The following EHBP1 variants were observed in gnomAD, a reference collection of about 807,000 sequenced individuals.
EHBP1 encodes the protein EH domain binding protein 1.
Under a neutral mutation model 144.0 loss-of-function variants are expected in EHBP1, and 55 were observed. The observed-to-expected ratio is 0.38, with a 90% confidence interval of 0.31 to 0.48. The LOEUF (loss-of-function observed/expected upper bound fraction) is 0.48. Ranked by LOEUF, EHBP1 falls within the 20% of genes least tolerant of loss-of-function variation. EHBP1 has a pLI of 0.98. For missense variants in EHBP1, 1,200 were observed against 1,364.2 expected, an observed-to-expected ratio of 0.88 and a Z score of 1.90; for synonymous variants, 469 against 472.7, an observed-to-expected ratio of 0.99 and a Z score of 0.10.
intron 7 of EHBP1, among the ~76,000 whole-genome samples, chr2:62,842,216 A>C (rs916562681): frequency 1.3e-5 from 2 of 152,038 alleles, no homozygotes; most frequent in Non-Finnish European, 1.5e-5. Context: ...CCTCCCGAGT[A>C]GCTGGGATCA....
chr2:62,815,051 C>T (rs1016415683), intron 5 of EHBP1, among the ~76,000 whole-genome samples: 2 of 152,138 alleles, frequency 1.3e-5, no homozygotes, highest in African/African-American at 4.8e-5. Flanking sequence ...ATAGTAATAA[C>T]TGGAAGGGGA....
chr2:62,829,265 A>G (rs2046594942), intron 6 of EHBP1, among the ~76,000 whole-genome samples: 1 of 152,072 alleles, frequency 6.6e-6, no homozygotes, highest in African/African-American at 2.4e-5. Context: ...TTGCATAGGA[A>G]AGTTCTTTAG....
chr2:63,019,688 C>T (rs2060623213), intron 19 of EHBP1, among the ~76,000 whole-genome samples: 2 of 142,896 alleles, frequency 1.4e-5, no homozygotes, highest in South Asian at 4.3e-4. Context: ...GCCTGGGCAA[C>T]AGAGCGAGAC....
chr2:62,785,551 T>G (rs1424572624), intron 5 of EHBP1, among the ~76,000 whole-genome samples: 3 of 152,196 alleles, frequency 2.0e-5, no homozygotes, highest in Non-Finnish European at 4.4e-5. Context: ...TTAGTCAGTA[T>G]AGAGAACACA....
At chr2:62,709,494 C>T (rs2034926667) in intron 2 of EHBP1, among the ~76,000 whole-genome samples, 1 of 152,140 alleles carries the variant, frequency 6.6e-6, no homozygotes, top group Non-Finnish European at 1.5e-5. Flanking sequence ...TTCTTCCTCA[C>T]AGTTTGCAGC....
chr2:62,728,344 A>G (rs890301424), intron 2 of EHBP1, among the ~76,000 whole-genome samples: 3 of 152,218 alleles, frequency 2.0e-5, no homozygotes, highest in Admixed American at 2.0e-4. Context: ...TGGCCGCATC[A>G]TTTCACATTC....
chr2:62,896,290 T>C (rs2052924370), intron 10 of EHBP1, among the ~76,000 whole-genome samples: 1 of 152,146 alleles, frequency 6.6e-6, no homozygotes, highest in African/African-American at 2.4e-5. Context: ...AAAGGCTATG[T>C]AACTGGAAAG....
At chr2:63,020,323 CAAAAA>C (rs1001418542) in intron 19 of EHBP1, among the ~76,000 whole-genome samples, 3 of 45,260 alleles carry the variant, frequency 6.6e-5, no homozygotes, top group South Asian at 1.5e-3. Flanking sequence ...GACTCTGTCT[CAAAAA>C]AAAAAAAAAA....
intron 1 of EHBP1, among the ~76,000 whole-genome samples, chr2:62,677,272 G>A (rs948914663): frequency 1.2e-4 from 18 of 152,306 alleles, no homozygotes; most frequent in Non-Finnish European, 2.6e-4. Flanking sequence ...CCCAGGTGAA[G>A]TAAGAAAATG....
chr2:62,948,778 A>G lies in EHBP1; in HGVS notation c.1932A>G (p.Gln644=). 6.2e-7 allele frequency: 1 copy of G among 1,614,182 alleles called. No individual in the cohort carries two copies. The highest frequency in any genetic ancestry group is 2.2e-5 in the East Asian group (1 of 44,856). ...PGICSNTDST[Q]AQVLLGKKRL... Reference sequence around the variant, plus strand: ...TATGTTCCAATACAGATTCAACCCAAGCACAGGTTTTGTTAGGCAAAAAGA... The same window carrying G: ...TATGTTCCAATACAGATTCAACCCAGGCACAGGTTTTGTTAGGCAAAAAGA... Residue 644 remains glutamine (Q), a synonymous_variant, in exon 13 of 23, where the codon CAA becomes CAG. Coordinates refer to ENST00000431489, the MANE Select transcript of EHBP1 (RefSeq NM_001142616.3).
chr2:62,682,832 T>C (rs1475606729), intron 1 of EHBP1, among the ~76,000 whole-genome samples: 3 of 152,206 alleles, frequency 2.0e-5, no homozygotes, highest in African/African-American at 7.2e-5. Flanking sequence ...ATAAGATTAG[T>C]AACAGTAAGC....
At chr2:62,784,308 G>A (rs1393850014) in intron 5 of EHBP1, among the ~76,000 whole-genome samples, 1 of 151,892 alleles carries the variant, frequency 6.6e-6, no homozygotes, top group African/African-American at 2.4e-5. Flanking sequence ...TTTTATAAAG[G>A]AGACCATTGT....
chr2:62,683,658 C>CAAAAAAA (rs397936534), intron 1 of EHBP1, among the ~76,000 whole-genome samples: 11 of 50,124 alleles, frequency 2.2e-4, no homozygotes, highest in Admixed American at 7.4e-4. Flanking sequence ...GACTCCATCT[C>CAAAAAAA]AAAAAAAAAA....
At chr2:62,683,345 T>G (rs1258220830) in intron 1 of EHBP1, among the ~76,000 whole-genome samples, 1 of 152,168 alleles carries the variant, frequency 6.6e-6, no homozygotes, top group Non-Finnish European at 1.5e-5. Context: ...GCCCTTTCTT[T>G]CACTAATGGT....
At position 62,996,756 on chromosome 2, in the gene EHBP1, C is replaced by T. The variant is rs2059644330; in HGVS notation, c.3093C>T (p.Leu1031=). ...TGGTGGAGAAGCGCCTTCGCTATCT[C>T]ATGGACACAGGTACGGTGCCCAATT... ...AALVEKRLRY[L]MDTGRNTEEE... is the part of the protein sequence containing the mutation. Residue 1031 remains leucine, a synonymous_variant, in exon 19 of 23, where the codon CTC becomes CTT. Coordinates refer to ENST00000431489, the MANE Select transcript of EHBP1 (RefSeq NM_001142616.3). 2 of 1,612,628 alleles carry T rather than the reference C, an allele frequency of 1.2e-6. No homozygotes were observed. The highest frequency in any genetic ancestry group is 1.1e-5 in the South Asian group (1 of 90,900).
intron 2 of EHBP1, among the ~76,000 whole-genome samples, chr2:62,708,952 A>G (rs1306521895): frequency 3.3e-5 from 5 of 152,156 alleles, no homozygotes; most frequent in Non-Finnish European, 7.4e-5. Flanking sequence ...GCAGGACTGA[A>G]AGCATGTTAA....
intron 5 of EHBP1, among the ~76,000 whole-genome samples, chr2:62,788,684 A>G (rs2042974372): frequency 1.3e-5 from 2 of 152,240 alleles, no homozygotes; most frequent in Admixed American, 1.3e-4. Context: ...ATTTTACTTA[A>G]TTTTGTTTTT....
chr2:62,829,877 T>C (rs1213609522), intron 6 of EHBP1, among the ~76,000 whole-genome samples: 4 of 150,314 alleles, frequency 2.7e-5, no homozygotes, highest in Admixed American at 6.7e-5. Context: ...GAGAACAGTT[T>C]TACACTGCTG....
chr2:62,982,075 G>A (rs1461588534), intron 15 of EHBP1, among the ~76,000 whole-genome samples: 1 of 152,180 alleles, frequency 6.6e-6, no homozygotes, highest in Non-Finnish European at 1.5e-5. Context: ...GAATAGACTA[G>A]GTCTCCTCTG....
Sources: allele counts gnomAD v4.1 joint callset (sites outside exome capture counted in the v4.1 genomes callset), GRCh38; gene constraint gnomAD v4.1.1; transcripts MANE v1.5; gene names NCBI Gene and HGNC (gene_info 2026-07-23, HGNC 2026-07-21).